Variants in SERINC3 observed in about 807,000 individuals in gnomAD.
The protein encoded by SERINC3 is tumor differentially expressed protein 1.
SERINC3 carries 22 observed loss-of-function variants against 52.1 expected under a neutral mutation model. That is an observed-to-expected ratio of 0.42 (90% CI 0.30 to 0.60). The LOEUF is 0.60. Ranked by LOEUF, SERINC3 falls within the 20% of genes least tolerant of loss-of-function variation. The probability of loss-of-function intolerance (pLI) is 0.16; values close to 1 mark genes in which losing one functional copy is unlikely to be tolerated. For missense variants in SERINC3, 564 were observed against 584.6 expected (o/e 0.96, Z 0.36); for synonymous variants, 226 against 212.7 (o/e 1.06, Z -0.54).
At chr20:44,500,508 G>A (rs1298455033) in intron 9 of SERINC3, 74 bp from the exon 10 acceptor site, 8 of 1,515,986 alleles carry the variant, frequency 5.3e-6, no homozygotes, top group Non-Finnish European at 7.2e-6. Context: ...CAGCCCCCCA[G>A]CCAAGGCCAA....
Position 44,500,315 on chromosome 20 carries a change from G to A in SERINC3, c.1403C>T (p.Thr468Ile), listed in dbSNP as rs936670439. 6.2e-7 allele frequency: 1 copy of A among 1,611,426 alleles called. No homozygotes were observed. The highest frequency in any genetic ancestry group is 8.5e-7 in the Non-Finnish European group (1 of 1,179,086). ...AGAGGTTCAGCTGAAGTCCCGACTGGTGAGGACAAGTGGAGCCACAAGGGT... is the reference window on the plus strand; with the variant it reads ...AGAGGTTCAGCTGAAGTCCCGACTGATGAGGACAAGTGGAGCCACAAGGGT... The part of the protein sequence containing the change: ...VWTLVAPLVL[T>I]SRDFS The change falls in exon 10 of 10, where the codon ACC becomes ATC. Residue 468 changes from threonine (T) to isoleucine (I), a missense_variant. Thr to Ile is a moderately conservative substitution (Grantham distance 89, BLOSUM62 -1). Transcript: ENST00000342374.
chr20:44,519,331 G>C, intron 1 of SERINC3: 1 of 625,454 alleles, frequency 1.6e-6, no homozygotes, highest in Non-Finnish European at 2.0e-6. Flanking sequence ...AAGCACTCTG[G>C]GAGGCCGGCG....
rs776520285 is a variant in SERINC3, at chr20:44,507,041, C to CTAA, written c.614-48_614-46dup. On this transcript the variant is annotated intron_variant, in intron 5 of 9. Coordinates refer to ENST00000342374, the MANE Select transcript of SERINC3 (RefSeq NM_006811.4). ...TATGAATGACCACAACTATAATAAACTAATAATGAAGGCCAATTTTCTTCC... is the reference window on the plus strand; with the variant it reads ...TATGAATGACCACAACTATAATAAACTAATAATAATGAAGGCCAATTTTCTTCC... 19 of 1,409,538 alleles carry CTAA rather than the reference C, an allele frequency of 1.3e-5. No homozygotes were observed. In the South Asian group the frequency reaches 3.2e-4, roughly 24 times the overall value. The allele number at this position is 1,409,538 out of a possible 1,614,324, so 87.3% of individuals were successfully genotyped here. A position where few individuals can be genotyped will look rare whatever the true frequency, so the allele number is the denominator to read the frequency against.
chr20:44,506,574 G>A, intron 6 of SERINC3, among the ~76,000 whole-genome samples: 1 of 90,116 alleles, frequency 1.1e-5, no homozygotes, highest in African/African-American at 5.5e-5. Flanking sequence ...GACAGAGCGA[G>A]ACTCCATCTC....
intron 1 of SERINC3, among the ~76,000 whole-genome samples, chr20:44,516,050 TC>T (rs1252684306): frequency 6.6e-6 from 1 of 152,034 alleles, no homozygotes; most frequent in East Asian, 1.9e-4. Context: ...ACGCCTGTAA[TC>T]CCAGCACTTT....
chr20:44,520,105 T>C (rs2064406273), intron 1 of SERINC3, among the ~76,000 whole-genome samples: 1 of 152,182 alleles, frequency 6.6e-6, no homozygotes, highest in Non-Finnish European at 1.5e-5. Context: ...GAAGCCTGCA[T>C]AAAAGCTCAG....
At chr20:44,506,225 G>C (rs560381830) in intron 6 of SERINC3, among the ~76,000 whole-genome samples, 2 of 148,024 alleles carry the variant, frequency 1.4e-5, no homozygotes, top group South Asian at 2.2e-4. Context: ...AGGTTGTAGT[G>C]AGCTGAGATT....
At chr20:44,519,034 T>TC (rs1325678520) in intron 1 of SERINC3, among the ~76,000 whole-genome samples, 1 of 151,042 alleles carries the variant, frequency 6.6e-6, no homozygotes, top group Non-Finnish European at 1.5e-5. Context: ...TACTGAGCAC[T>TC]CCTGTGTGTA....
At chr20:44,518,734 G>A (rs190527379) in intron 1 of SERINC3, among the ~76,000 whole-genome samples, 24 of 152,140 alleles carry the variant, frequency 1.6e-4, no homozygotes, top group African/African-American at 4.8e-4. Context: ...GGAAGCTGAG[G>A]TGGGCAGATC....
intron 1 of SERINC3, among the ~76,000 whole-genome samples, chr20:44,515,893 C>T (rs888817523): frequency 6.6e-6 from 1 of 151,988 alleles, no homozygotes; most frequent in Non-Finnish European, 1.5e-5. Flanking sequence ...TGAGCTCAGG[C>T]AATCCACCCA....
At chr20:44,510,067 G>C in intron 4 of SERINC3, 39 bp from the exon 5 acceptor site, 1 of 1,597,528 alleles carries the variant, frequency 6.3e-7, no homozygotes, top group South Asian at 1.1e-5. Flanking sequence ...CTCTACCATA[G>C]AGTAACATTT....
rs969942803 is a variant in SERINC3 at position 44,497,905 on chromosome 20, CTGTCAGTGCTA to C, written c.*2380_*2390del. ...TAGCCCATAATGAGATCAGCAGCTA[CTGTCAGTGCTA>C]TGTCAGTGCTAAAAATGGGTTACAC... On this transcript the variant is annotated 3_prime_UTR_variant, in exon 10 of 10. Coordinates refer to ENST00000342374, the MANE Select transcript of SERINC3 (RefSeq NM_006811.4). 7.9e-5 allele frequency: 12 copies of C among 152,326 alleles called. No individual in the cohort carries two copies. The highest frequency in any genetic ancestry group is 2.2e-4 in the African/African-American group (9 of 41,578). 9.4% of individuals were successfully genotyped at this position (152,326 alleles called of 1,614,324 possible).
intron 8 of SERINC3, 48 bp downstream of exon 8, chr20:44,503,767 T>C (rs906379277): frequency 7.1e-7 from 1 of 1,416,302 alleles, no homozygotes; most frequent in Non-Finnish European, 9.4e-7. Context: ...TTCTTCACTT[T>C]ATTATCAACC....
intron 9 of SERINC3, 54 bp from the exon 10 acceptor site, chr20:44,500,488 C>T (rs1353658101): frequency 1.3e-6 from 2 of 1,543,892 alleles, no homozygotes; most frequent in African/African-American, 2.7e-5. Flanking sequence ...TGACTTCTAT[C>T]AGCCTCCTGC....
In SERINC3 at chr20:44,498,370, C is replaced by A; in HGVS notation, c.*1926G>T. On this transcript the variant is annotated 3_prime_UTR_variant, in exon 10 of 10. Coordinates refer to ENST00000342374, the MANE Select transcript of SERINC3 (RefSeq NM_006811.4). ...CAGGTGGATCACGAGGTCAGGAGAT[C>A]GAGACCATCCTGGCTAACATGGTGA... 6.6e-6 allele frequency: 1 copy of A among 152,208 alleles called. No individual in the cohort carries two copies. The highest frequency in any genetic ancestry group is 1.5e-5 in the Non-Finnish European group (1 of 68,060). 9.4% of individuals were successfully genotyped at this position (152,208 alleles called of 1,614,324 possible). A position where few individuals can be genotyped will look rare whatever the true frequency, so the allele number is the denominator to read the frequency against.
intron 9 of SERINC3, 53 bp from the exon 10 acceptor site, chr20:44,500,487 T>C (rs964525914): frequency 1.4e-5 from 22 of 1,547,926 alleles, no homozygotes; most frequent in Admixed American, 1.2e-4. Flanking sequence ...CTGACTTCTA[T>C]CAGCCTCCTG....
chr20:44,496,659 T>A (rs889179434), downstream of SERINC3, among the ~76,000 whole-genome samples: 8 of 152,162 alleles, frequency 5.3e-5, no homozygotes, highest in South Asian at 2.1e-4. Flanking sequence ...CCAGGTGTGG[T>A]GGCGCGCACC....
chr20:44,503,549 G>A (rs1186852551), intron 8 of SERINC3, among the ~76,000 whole-genome samples: 5 of 152,212 alleles, frequency 3.3e-5, no homozygotes, highest in Admixed American at 3.3e-4. Flanking sequence ...TTGGGAGCCT[G>A]AGGCAGAAGA....
At chr20:44,519,353 C>G in intron 1 of SERINC3, 1 of 891,940 alleles carries the variant, frequency 1.1e-6, no homozygotes, top group Non-Finnish European at 1.3e-6. Context: ...ATCACGAGGT[C>G]AGGAGATTGA....
Sources: gnomAD v4.1 joint callset for allele counts (sites outside exome capture counted in the v4.1 genomes callset) on GRCh38, gnomAD v4.1.1 for gene constraint, MANE v1.5 for transcripts, NCBI Gene and HGNC (gene_info 2026-07-23, HGNC 2026-07-21) for gene names.